GBE1: variants seen among roughly 807,000 people sequenced by gnomAD.
The protein encoded by GBE1 is 1,4-alpha-glucan-branching enzyme.
A neutral mutation model predicts 88.8 loss-of-function variants in GBE1; 70 were observed. The ratio of observed to expected loss-of-function variants is 0.79; its 90% confidence interval spans 0.65 to 0.96. The LOEUF (loss-of-function observed/expected upper bound fraction) is 0.96. Ranked by LOEUF, GBE1 falls within the 40% of genes least tolerant of loss-of-function variation. The probability of loss-of-function intolerance (pLI) is 0.00; values close to 1 mark genes in which losing one functional copy is unlikely to be tolerated. For synonymous variants in GBE1, 284 were observed against 300.1 expected, an observed-to-expected ratio of 0.95 and a Z score of 0.56; for missense variants, 872 against 871.0, an observed-to-expected ratio of 1.00 and a Z score of -0.01.
chr3:81,678,229 T>C (rs185443587), intron 2 of GBE1, among the ~76,000 whole-genome samples: 36 of 152,290 alleles, frequency 2.4e-4, no homozygotes, highest in African/African-American at 8.2e-4. Flanking sequence ...TGTATCACAA[T>C]GGAATATCTG....
At chr3:81,600,461 C>T (rs958880458) in intron 7 of GBE1, among the ~76,000 whole-genome samples, 7 of 152,106 alleles carry the variant, frequency 4.6e-5, no homozygotes, top group Admixed American at 1.3e-4. Context: ...ATACATACAT[C>T]TAAACAGTAT....
At chr3:81,629,510 G>A (rs973405712) in intron 7 of GBE1, among the ~76,000 whole-genome samples, 2 of 151,860 alleles carry the variant, frequency 1.3e-5, no homozygotes, top group Non-Finnish European at 2.9e-5. Context: ...AGGGTTTATT[G>A]AAAAATAAAA....
Position 81,489,708 on chromosome 3 carries a change from C to G in GBE1, c.*699G>C, listed in dbSNP as rs546913224. 6.6e-6 allele frequency: 1 copy of G among 152,154 alleles called. No homozygotes were observed. Among genetic ancestry groups the G allele is most frequent in the Admixed American group, 6.5e-5 (1 of 15,272 alleles). 9.4% of individuals were successfully genotyped at this position (152,154 alleles called of 1,614,324 possible). A position where few individuals can be genotyped will look rare whatever the true frequency, so the allele number is the denominator to read the frequency against. ...ATAAACATTAGCAAAGGCAATTTTA[C>G]AAAAGCTTTTTATTGATTGAAATGA... is the stretch of plus-strand genomic sequence containing the variant. On this transcript the variant is annotated 3_prime_UTR_variant, in exon 16 of 16. Transcript: ENST00000429644.
intron 12 of GBE1, among the ~76,000 whole-genome samples, chr3:81,555,429 A>C (rs1001555748): frequency 7.2e-5 from 11 of 152,190 alleles, no homozygotes; most frequent in Admixed American, 6.5e-4. Context: ...AAATGACAGA[A>C]ATAGTATAGC....
chr3:81,497,971 T>A (rs843940), intron 15 of GBE1, among the ~76,000 whole-genome samples: 53,348 of 152,002 alleles, frequency 0.35, 11,036 homozygotes, highest in South Asian at 0.55. Context: ...TTGAGCCCTC[T>A]CTCTTAAAAA....
At chr3:81,515,633 G>C (rs1365577115) in intron 14 of GBE1, among the ~76,000 whole-genome samples, 1 of 151,628 alleles carries the variant, frequency 6.6e-6, no homozygotes, top group Non-Finnish European at 1.5e-5. Flanking sequence ...ATTAAGCTTA[G>C]TGAGAAAGGC....
rs537559707 is a variant in GBE1, at chr3:81,713,513, G to T, written c.144-7900C>A. On this transcript the variant is annotated intron_variant, in intron 1 of 15. Transcript: ENST00000429644. Reference sequence around the variant, plus strand: ...ATATGATCAGAGACATGTTTTACAGGGAGCAGTTTGAACGATGAATTTTAT... The same window carrying T: ...ATATGATCAGAGACATGTTTTACAGTGAGCAGTTTGAACGATGAATTTTAT... Among the ~76,000 whole-genome samples the T allele has an allele frequency of 2.6e-5, 4 of 152,132 alleles. No homozygotes were observed. In the East Asian group the frequency reaches 7.7e-4, roughly 29 times the overall value.
intron 7 of GBE1, among the ~76,000 whole-genome samples, chr3:81,633,120 G>A (rs1408371051): frequency 6.6e-6 from 1 of 152,050 alleles, no homozygotes; most frequent in Non-Finnish European, 1.5e-5. Flanking sequence ...CACATGGTTT[G>A]GCTCATGAAA....
chr3:81,491,907 TA>T (rs1365841083), intron 15 of GBE1, among the ~76,000 whole-genome samples: 2 of 152,168 alleles, frequency 1.3e-5, no homozygotes, highest in African/African-American at 2.4e-5. Context: ...ATACTACTCT[TA>T]AAAAAATCAG....
intron 12 of GBE1, among the ~76,000 whole-genome samples, chr3:81,549,021 GT>G (rs145193489): frequency 0.2 from 28,269 of 140,958 alleles, 3,503 homozygotes; most frequent in East Asian, 0.43. Flanking sequence ...GAAACTATTT[GT>G]GAGTATTCTT....
Position 81,574,000 on chromosome 3 carries a change from AGGCTGTTT to A in GBE1, c.1618+3917_1618+3924del, listed in dbSNP as rs1239868107. On this transcript the variant is annotated intron_variant, in intron 12 of 15. Transcript: ENST00000429644. ...CAGACTTCCTCACACATGAAAGCTAAGGCTGTTTCAGCAGCATCGTTCAGTAGACATCA... is the reference window on the plus strand; with the variant it reads ...CAGACTTCCTCACACATGAAAGCTAACAGCAGCATCGTTCAGTAGACATCA... 5.9e-5 allele frequency among the ~76,000 whole-genome samples: 9 copies of A among 152,226 alleles called. No individual in the cohort carries two copies. The East Asian group carries it at 1.7e-3, about 29-fold the overall frequency.
Position 81,644,801 on chromosome 3 carries a change from T to C in GBE1, c.782+1591A>G, listed in dbSNP as rs138180339. On this transcript the variant is annotated intron_variant, in intron 6 of 15. Transcript: ENST00000429644. Reference sequence around the variant, plus strand: ...AACCCAGGTAAAAGATAATTGCAAGTTGGACATGGGTGGTGGCAGTGGGGG... The same window carrying C: ...AACCCAGGTAAAAGATAATTGCAAGCTGGACATGGGTGGTGGCAGTGGGGG... Among the ~76,000 whole-genome samples, 352 of 152,214 alleles carry C rather than the reference T, an allele frequency of 2.3e-3. 2 individuals are homozygous for C. The highest frequency in any genetic ancestry group is 8.2e-3 in the African/African-American group (342 of 41,556).
Position 81,593,917 on chromosome 3 carries a change from G to A in GBE1, c.1099C>T (p.His367Tyr). 4 of 1,540,360 alleles carry A rather than the reference G, an allele frequency of 2.6e-6. No homozygotes were observed. The highest frequency in any genetic ancestry group is 3.5e-6 in the Non-Finnish European group (4 of 1,130,782). The change falls in exon 8 of 16, where the codon CAT becomes TAT. Residue 367 changes from histidine (H) to tyrosine (Y), a missense_variant. By Grantham distance (83) the His-to-Tyr change is moderately conservative (BLOSUM62 2). Transcript: ENST00000429644. ...DGVTSMLYHHHGVGQGFSGDY... is the reference protein window; with the variant it reads ...DGVTSMLYHHYGVGQGFSGDY... Reference sequence around the variant, plus strand: ...ATATCAGGTTACCTACCCACTCCATGGTGATGATAAAGCATGGACGTAACA... The same window carrying A: ...ATATCAGGTTACCTACCCACTCCATAGTGATGATAAAGCATGGACGTAACA...
chr3:81,512,397 T>C (rs2106830076), intron 14 of GBE1, among the ~76,000 whole-genome samples: 1 of 151,970 alleles, frequency 6.6e-6, no homozygotes, highest in African/African-American at 2.4e-5. Context: ...AAAAGATATA[T>C]ATACATACAG....
intron 12 of GBE1, among the ~76,000 whole-genome samples, chr3:81,567,017 G>C (rs1166076511): frequency 1.3e-5 from 2 of 152,074 alleles, no homozygotes; most frequent in Admixed American, 6.6e-5. Context: ...TTTATCTGCT[G>C]CCTTTATTAG....
At chr3:81,570,099 C>A (rs1318238230) in intron 12 of GBE1, among the ~76,000 whole-genome samples, 1 of 152,122 alleles carries the variant, frequency 6.6e-6, no homozygotes, top group Non-Finnish European at 1.5e-5. Flanking sequence ...TGTGAGCCAC[C>A]ATGACTGGCC....
chr3:81,744,741 C>A (rs1706399358), intron 1 of GBE1, among the ~76,000 whole-genome samples: 1 of 152,152 alleles, frequency 6.6e-6, no homozygotes, highest in Admixed American at 6.6e-5. Flanking sequence ...TCCAACTGAA[C>A]CAATTTTGCA....
intron 14 of GBE1, among the ~76,000 whole-genome samples, chr3:81,517,486 T>A (rs542970195): frequency 3.3e-5 from 5 of 151,598 alleles, no homozygotes; most frequent in Non-Finnish European, 7.4e-5. Context: ...CAATCTGCAC[T>A]GTCTCCAAGT....
intron 14 of GBE1, among the ~76,000 whole-genome samples, chr3:81,516,557 T>C (rs551099718): frequency 1.3e-5 from 2 of 151,706 alleles, no homozygotes; most frequent in South Asian, 2.1e-4. Context: ...CAAGAAGTAA[T>C]TTCAACTTTC....
Sources: allele counts gnomAD v4.1 joint callset (sites outside exome capture counted in the v4.1 genomes callset), GRCh38; gene constraint gnomAD v4.1.1; transcripts MANE v1.5; gene names NCBI Gene and HGNC (gene_info 2026-07-23, HGNC 2026-07-21).